The following TBC1D22A variants were observed in gnomAD, a reference collection of about 807,000 sequenced individuals.
TBC1D22A encodes putative GTPase activator.
A neutral mutation model predicts 60.2 loss-of-function variants in TBC1D22A; 38 were observed. The ratio of observed to expected loss-of-function variants is 0.63; its 90% CI spans 0.49 to 0.83. TBC1D22A has a LOEUF of 0.83. Ranked by LOEUF, TBC1D22A falls within the 40% of genes least tolerant of loss-of-function variation. The pLI is 0.00. For synonymous variants in TBC1D22A, 302 were observed against 281.7 expected (o/e 1.07, Z -0.72); for missense variants, 628 against 701.0 (o/e 0.90, Z 1.18).
At chr22:46,850,724 G>C (rs1259310493) in intron 4 of TBC1D22A, among the ~76,000 whole-genome samples, 1 of 152,192 alleles carries the variant, frequency 6.6e-6, no homozygotes, top group South Asian at 2.1e-4. Context: ...GAAAACCCAT[G>C]TCCACATACA....
At chr22:46,940,250 C>T (rs1003953402) in intron 8 of TBC1D22A, among the ~76,000 whole-genome samples, 15 of 152,116 alleles carry the variant, frequency 9.9e-5, no homozygotes, top group Non-Finnish European at 1.8e-4. Flanking sequence ...ACTTGCTCGA[C>T]GGAGGGTCAC....
chr22:47,168,722 G>A (rs1254597955), intron 12 of TBC1D22A, among the ~76,000 whole-genome samples: 1 of 129,160 alleles, frequency 7.7e-6, no homozygotes, highest in Non-Finnish European at 1.6e-5. Flanking sequence ...TGGGGCCCTA[G>A]GACACGGGCT....
chr22:46,792,429 T>G, intron 1 of TBC1D22A, 91 bp from the exon 2 acceptor site: 1 of 1,559,812 alleles, frequency 6.4e-7, no homozygotes, highest in African/African-American at 1.4e-5. Context: ...GTCCTGTGGG[T>G]TCCTGGGAGC....
Position 47,173,860 on chromosome 22 carries a change from G to A in TBC1D22A, c.*234G>A, listed in dbSNP as rs1280093850. On this transcript the variant is annotated 3_prime_UTR_variant, in exon 13 of 13. Transcript: ENST00000337137. ...AGAGCCAGGGGAGGGCCCCGGGTTC[G>A]GCGGCCAGAGGCAGGTCAGGGGTCC... 9.1e-6 allele frequency: 5 copies of A among 550,202 alleles called. No individual in the cohort carries two copies. Among genetic ancestry groups the A allele is most frequent in the Non-Finnish European group, 9.0e-6 (3 of 332,184 alleles). The allele number at this position is 550,202 out of a possible 1,614,324, so 34.1% of individuals were successfully genotyped here.
intron 11 of TBC1D22A, among the ~76,000 whole-genome samples, chr22:47,056,087 C>A (rs2063384634): frequency 1.3e-5 from 2 of 152,124 alleles, no homozygotes; most frequent in South Asian, 4.1e-4. Context: ...CAGCGACTGC[C>A]CTTGTCTTGG....
chr22:46,996,583 GTTA>G (rs2075129312), intron 9 of TBC1D22A, among the ~76,000 whole-genome samples: 2 of 152,364 alleles, frequency 1.3e-5, no homozygotes, highest in South Asian at 4.1e-4. Flanking sequence ...TTTGGGGCTG[GTTA>G]TTATTCTGCC....
intron 5 of TBC1D22A, among the ~76,000 whole-genome samples, chr22:46,882,392 T>TG (rs2067896450): frequency 6.6e-6 from 1 of 152,152 alleles, no homozygotes; most frequent in Non-Finnish European, 1.5e-5. Context: ...CGTCGGTTCT[T>TG]GGGGGTTCTC....
chr22:47,065,105 C>T (rs1465411002), intron 11 of TBC1D22A, among the ~76,000 whole-genome samples: 4 of 152,162 alleles, frequency 2.6e-5, no homozygotes, highest in East Asian at 1.9e-4. Context: ...ACCTTCCGAG[C>T]GATTCTCAGC....
chr22:46,895,057 C>T (rs150363079), intron 7 of TBC1D22A, among the ~76,000 whole-genome samples: 7 of 152,282 alleles, frequency 4.6e-5, no homozygotes, highest in East Asian at 1.9e-4. Flanking sequence ...TGACACACAG[C>T]GAAGAATGTA....
chr22:47,124,925 T>C (rs531867158), intron 12 of TBC1D22A, among the ~76,000 whole-genome samples: 1 of 151,980 alleles, frequency 6.6e-6, no homozygotes, highest in African/African-American at 2.4e-5. Flanking sequence ...CCTGCAGAGA[T>C]TGGGCCAGGC....
chr22:47,163,153 C>A (rs922358943), intron 12 of TBC1D22A, among the ~76,000 whole-genome samples: 11 of 152,174 alleles, frequency 7.2e-5, no homozygotes, highest in Non-Finnish European at 1.5e-4. Flanking sequence ...CAAGCACTGC[C>A]CCCCCGCCCG....
chr22:47,010,635 T>G (rs1199138605), intron 10 of TBC1D22A, among the ~76,000 whole-genome samples: 1 of 152,172 alleles, frequency 6.6e-6, no homozygotes, highest in East Asian at 1.9e-4. Flanking sequence ...ACTCTGCTTA[T>G]CATTGTCTGT....
intron 11 of TBC1D22A, among the ~76,000 whole-genome samples, chr22:47,076,033 T>C (rs1418702956): frequency 6.6e-6 from 1 of 152,168 alleles, no homozygotes; most frequent in Non-Finnish European, 1.5e-5. Flanking sequence ...AGCTTGGCCT[T>C]ACGGTATATT....
chr22:46,845,803 AATG>A (rs2086963285), intron 4 of TBC1D22A, among the ~76,000 whole-genome samples: 1 of 152,252 alleles, frequency 6.6e-6, no homozygotes, highest in Non-Finnish European at 1.5e-5. Flanking sequence ...AAAGTGATAG[AATG>A]ATGATCATGT....
intron 8 of TBC1D22A, among the ~76,000 whole-genome samples, chr22:46,962,731 A>C (rs1341526147): frequency 1.3e-5 from 2 of 152,252 alleles, no homozygotes; most frequent in East Asian, 3.8e-4. Flanking sequence ...CAAACGTCAG[A>C]TTCTACAGGG....
At chr22:46,826,098 G>A (rs900995146) in intron 4 of TBC1D22A, among the ~76,000 whole-genome samples, 2 of 151,906 alleles carry the variant, frequency 1.3e-5, no homozygotes, top group African/African-American at 2.4e-5. Context: ...AGCCATGATG[G>A]TCTCGATCTC....
intron 4 of TBC1D22A, among the ~76,000 whole-genome samples, chr22:46,854,438 A>T (rs1569134165): frequency 1.3e-5 from 2 of 151,800 alleles, no homozygotes; most frequent in African/African-American, 4.8e-5. Flanking sequence ...CTTCCTGTTT[A>T]CATCATAGAT....
rs540694143 is a variant in TBC1D22A at position 46,781,795 on chromosome 22, C to T, written c.63-10725C>T. Among the ~76,000 whole-genome samples, 22 of 152,294 alleles carry T rather than the reference C, an allele frequency of 1.4e-4. No homozygotes were observed. In the South Asian group the frequency reaches 3.9e-3, roughly 27 times the overall value. Reference sequence around the variant, plus strand: ...TCCTGTCGTGGGTTAGAGTCTGTGACCCTTCATCAGTGTTTGCTCATGCCC... The same window carrying T: ...TCCTGTCGTGGGTTAGAGTCTGTGATCCTTCATCAGTGTTTGCTCATGCCC... On this transcript the variant is annotated intron_variant, in intron 1 of 12. Coordinates refer to ENST00000337137, the MANE Select transcript of TBC1D22A (RefSeq NM_014346.5).
At chr22:47,165,024 G>A (rs536051542) in intron 12 of TBC1D22A, among the ~76,000 whole-genome samples, 7 of 152,242 alleles carry the variant, frequency 4.6e-5, no homozygotes, top group Non-Finnish European at 1.0e-4. Flanking sequence ...AGACCGAGAG[G>A]GGCCTATCCG....
Sources: gnomAD v4.1 joint callset for allele counts (sites outside exome capture counted in the v4.1 genomes callset) on GRCh38, gnomAD v4.1.1 for gene constraint, MANE v1.5 for transcripts, NCBI Gene and HGNC (gene_info 2026-07-23, HGNC 2026-07-21) for gene names.